RGS18: variants seen among roughly 807,000 people sequenced by gnomAD.
RGS18 encodes regulator of G protein signaling 18.
RGS18 carries 22 observed loss-of-function variants against 27.6 expected under a neutral mutation model. The ratio of observed to expected loss-of-function variants is 0.80; its 90% confidence interval spans 0.57 to 1.14. The LOEUF is 1.14. Ranked by LOEUF, RGS18 falls within the 50% of genes most tolerant of loss-of-function variation. RGS18 has a pLI of 0.00. For synonymous variants in RGS18, 89 were observed against 84.6 expected (o/e 1.05, Z -0.29); for missense variants, 299 against 269.6 (o/e 1.11, Z -0.76).
intron 3 of RGS18, among the ~76,000 whole-genome samples, chr1:192,166,861 T>C (rs1168615125): frequency 1.3e-5 from 2 of 152,202 alleles, no homozygotes; most frequent in African/African-American, 2.4e-5. Flanking sequence ...ACCTAAAATA[T>C]GGAAGGCTGA....
chr1:192,175,391 G>A (rs1656342018), intron 3 of RGS18, among the ~76,000 whole-genome samples: 1 of 151,744 alleles, frequency 6.6e-6, no homozygotes. Context: ...TTCCCTTATA[G>A]AGTATTGAAT....
At chr1:192,160,502 T>A in intron 3 of RGS18, 63 bp downstream of exon 3, 1 of 1,217,138 alleles carries the variant, frequency 8.2e-7, no homozygotes, top group Non-Finnish European at 1.2e-6. Flanking sequence ...ACTATGCATG[T>A]AATTATCCGA....
At chr1:192,164,740 T>C (rs1281246173) in intron 3 of RGS18, among the ~76,000 whole-genome samples, 1 of 152,158 alleles carries the variant, frequency 6.6e-6, no homozygotes, top group East Asian at 1.9e-4. Flanking sequence ...GAATATAAAT[T>C]GTGAAGATTT....
intron 2 of RGS18, among the ~76,000 whole-genome samples, chr1:192,160,151 GA>G (rs546179206): frequency 4.8e-4 from 73 of 151,380 alleles, no homozygotes; most frequent in East Asian, 3.3e-3. Flanking sequence ...ATATCCATGA[GA>G]AAAAAAATAA....
At chr1:192,167,378 A>G (rs1656180015) in intron 3 of RGS18, among the ~76,000 whole-genome samples, 1 of 152,008 alleles carries the variant, frequency 6.6e-6, no homozygotes, top group Non-Finnish European at 1.5e-5. Flanking sequence ...CGCTCTAAAA[A>G]TTTAAATTTC....
chr1:192,163,590 C>T (rs1302270313), intron 3 of RGS18: 1 of 152,036 alleles, frequency 6.6e-6, no homozygotes, highest in Non-Finnish European at 1.5e-5. Flanking sequence ...CAAGAAGAGA[C>T]ACATTTAAAG....
Position 192,159,298 on chromosome 1 carries a change from T to TG in RGS18, c.201dup (p.His68AlafsTer11). ...ATGAAGACACCCGCTCCAGTAGATC[T>TG]GGGCACTTGGCCAAAGAAACAAGGT... On this transcript the variant is annotated frameshift_variant, in exon 2 of 5. Coordinates refer to ENST00000367460, the MANE Select transcript of RGS18 (RefSeq NM_130782.3). LOFTEE classifies it high-confidence loss of function. 6.2e-7 allele frequency: 1 copy of TG among 1,612,574 alleles called. No individual in the cohort carries two copies. Among genetic ancestry groups the TG allele is most frequent in the Non-Finnish European group, 8.5e-7 (1 of 1,178,630 alleles).
chr1:192,180,290 G>T (rs1263321830), intron 3 of RGS18, among the ~76,000 whole-genome samples: 1 of 151,420 alleles, frequency 6.6e-6, no homozygotes, highest in Admixed American at 6.6e-5. Flanking sequence ...CAAACACTTG[G>T]TGTATTTTAA....
At chr1:192,169,742 G>T (rs895050604) in intron 3 of RGS18, 1 of 151,864 alleles carries the variant, frequency 6.6e-6, no homozygotes, top group Non-Finnish European at 1.5e-5. Context: ...ATTCTCTTCA[G>T]AAATCCACTT....
At chr1:192,181,025 G>C (rs564748754) in intron 3 of RGS18, among the ~76,000 whole-genome samples, 5 of 151,664 alleles carry the variant, frequency 3.3e-5, no homozygotes, top group African/African-American at 1.2e-4. Flanking sequence ...CACCGTAGGG[G>C]GTCCCTCTTA....
At position 192,158,708 on chromosome 1, in the gene RGS18, T is replaced by G. The variant is rs1656016105; in HGVS notation, c.71T>G (p.Leu24Ter). Residue 24 changes from leucine to a stop codon, truncating the protein, a stop_gained, in exon 1 of 5, where the codon TTA (leucine) becomes TGA (stop). Transcript: ENST00000367460. LOFTEE classifies it high-confidence loss of function. ...CESKEKTFFK[L>*]IHGSGKEETS... Reference sequence around the variant, plus strand: ...TCAAAAGAAAAAACTTTTTTCAAGTTAATACATGGTTCAGGAAAAGAAGAA... The same window carrying G: ...TCAAAAGAAAAAACTTTTTTCAAGTGAATACATGGTTCAGGAAAAGAAGAA... The G allele has an allele frequency of 3.8e-6, 6 of 1,578,508 alleles. No individual in the cohort carries two copies. The highest frequency in any genetic ancestry group is 4.3e-6 in the Non-Finnish European group (5 of 1,167,424).
At chr1:192,159,569 A>T (rs1373500318) in intron 2 of RGS18, among the ~76,000 whole-genome samples, 1 of 152,212 alleles carries the variant, frequency 6.6e-6, no homozygotes, top group Non-Finnish European at 1.5e-5. Flanking sequence ...TCAGTTTTAA[A>T]TGACATGTTT....
At chr1:192,170,574 A>G (rs1015620081) in intron 3 of RGS18, among the ~76,000 whole-genome samples, 5 of 152,020 alleles carry the variant, frequency 3.3e-5, no homozygotes, top group Non-Finnish European at 7.4e-5. Context: ...CTTTATAGCA[A>G]TGCAAAATGA....
chr1:192,181,391 C>T lies in RGS18; in HGVS notation c.383C>T (p.Pro128Leu). ...ACEDFKKSKGPQQIHLKAKAI... is the reference protein window; with the variant it reads ...ACEDFKKSKGLQQIHLKAKAI... The stretch of plus-strand genomic sequence containing the variant: ...GAAGATTTCAAGAAAAGCAAGGGAC[C>T]TCAACAAATTCACCTTAAAGCAAAA... The change falls in exon 4 of 5, where the codon CCT (proline) becomes CTT (leucine). Residue 128 changes from proline (P) to leucine (L), a missense_variant. Pro to Leu is a moderately conservative substitution (Grantham distance 98). Coordinates refer to ENST00000367460, the MANE Select transcript of RGS18 (RefSeq NM_130782.3). 2 of 1,592,032 alleles carry T rather than the reference C, an allele frequency of 1.3e-6. No individual in the cohort carries two copies. The highest frequency in any genetic ancestry group is 1.7e-6 in the Non-Finnish European group (2 of 1,170,276).
chr1:192,183,262 T>G (rs1267524712), intron 4 of RGS18, among the ~76,000 whole-genome samples: 2 of 151,658 alleles, frequency 1.3e-5, no homozygotes, highest in Non-Finnish European at 3.0e-5. Context: ...TATGCAGTGC[T>G]ATGATACAAG....
At position 192,162,872 on chromosome 1, in the gene RGS18, G is replaced by A. The variant is rs566573365; in HGVS notation, c.283+2433G>A. Among the ~76,000 whole-genome samples, 112 of 152,234 alleles carry A rather than the reference G, an allele frequency of 7.4e-4. 1 individual carries two copies. The highest frequency in any genetic ancestry group is 2.5e-3 in the African/African-American group (104 of 41,544). On this transcript the variant is annotated intron_variant, in intron 3 of 4. Transcript: ENST00000367460. ...ACAAAACAACAACAACAAAAAAAGA[G>A]GACTGGGATTAATTTCTTTATAATA...
At chr1:192,159,939 TA>T (rs572604793) in intron 2 of RGS18, among the ~76,000 whole-genome samples, 24 of 150,412 alleles carry the variant, frequency 1.6e-4, no homozygotes, top group African/African-American at 3.6e-4. Flanking sequence ...TGTATCCGTT[TA>T]AAAAAAAAAT....
At chr1:192,171,147 G>A (rs1425178523) in intron 3 of RGS18, among the ~76,000 whole-genome samples, 1 of 152,098 alleles carries the variant, frequency 6.6e-6, no homozygotes, top group Non-Finnish European at 1.5e-5. Context: ...AATGTACAAT[G>A]TATCAAAATG....
At chr1:192,180,243 C>T (rs1656428807) in intron 3 of RGS18, among the ~76,000 whole-genome samples, 1 of 151,500 alleles carries the variant, frequency 6.6e-6, no homozygotes, top group African/African-American at 2.4e-5. Context: ...ATTACTAAAA[C>T]CCTTATGGAG....
Sources: allele counts gnomAD v4.1 joint callset (sites outside exome capture counted in the v4.1 genomes callset), GRCh38; gene constraint gnomAD v4.1.1; transcripts MANE v1.5; gene names NCBI Gene and HGNC (gene_info 2026-07-23, HGNC 2026-07-21).